The following LMNB1 variants were observed in gnomAD, a reference collection of about 807,000 sequenced individuals.
LMNB1 encodes the protein lamin B1.
A neutral mutation model predicts 67.1 loss-of-function variants in LMNB1; 23 were observed. The observed-to-expected ratio is 0.34, with a 90% CI of 0.25 to 0.49. LMNB1 has a LOEUF of 0.49. LMNB1 is among the 20% of genes least tolerant of loss of function. The pLI is 0.99. For synonymous variants in LMNB1, 281 were observed against 282.9 expected (o/e 0.99, Z 0.07); for missense variants, 634 against 746.5 (o/e 0.85, Z 1.76).
chr5:126,836,651 T>G lies in LMNB1; in HGVS notation c.*387T>G, dbSNP rs1580563392. On this transcript the variant is annotated 3_prime_UTR_variant, in exon 11 of 11. Coordinates refer to ENST00000261366, the MANE Select transcript of LMNB1 (RefSeq NM_005573.4). ...CCCATCTAGACTAGCAATCTCTTCA[T>G]TATTCTCTGCTATATATAAAACGGT... is the stretch of plus-strand genomic sequence containing the variant. 1 of 367,538 alleles carries G rather than the reference T, an allele frequency of 2.7e-6. No homozygotes were observed. The highest frequency in any genetic ancestry group is 4.6e-5 in the Admixed American group (1 of 21,862). 22.8% of individuals were successfully genotyped at this position (367,538 alleles called of 1,614,324 possible). A position where few individuals can be genotyped will look rare whatever the true frequency, so the allele number is the denominator to read the frequency against.
intron 1 of LMNB1, among the ~76,000 whole-genome samples, chr5:126,784,640 C>T (rs1380577521): frequency 1.3e-5 from 2 of 149,596 alleles, no homozygotes; most frequent in Non-Finnish European, 3.0e-5. Flanking sequence ...CAGGCGTGAG[C>T]CACCGTGCCT....
rs1440982043 is a variant in LMNB1, at chr5:126,832,714, A to G, written c.1632A>G (p.Thr544=). 2.5e-6 allele frequency: 4 copies of G among 1,612,748 alleles called. No homozygotes were observed. Among genetic ancestry groups the G allele is most frequent in the Non-Finnish European group, 2.5e-6 (3 of 1,179,034 alleles). Residue 544 remains threonine, a synonymous_variant, in exon 10 of 11, where the codon ACA becomes ACG. Transcript: ENST00000261366. ...TTTAGGAGGTTGCTCAAAGAAGTAC[A>G]GTCTTTAAAACAACCATACCTGAAG... ...SQGEEVAQRS[T]VFKTTIPEEE...
rs1310734280 is a variant in LMNB1 at position 126,836,573 on chromosome 5, A to T, written c.*309A>T. 3 of 348,640 alleles carry T rather than the reference A, an allele frequency of 8.6e-6. No individual in the cohort carries two copies. Among genetic ancestry groups the T allele is most frequent in the Non-Finnish European group, 1.5e-5 (3 of 197,456 alleles). 21.6% of individuals were successfully genotyped at this position (348,640 alleles called of 1,614,324 possible). Reference sequence around the variant, plus strand: ...TTTTCTTTTTTTTTAAGTTCTTATGAGGAGGGGAGGGTAAATAAACCACTG... The same window carrying T: ...TTTTCTTTTTTTTTAAGTTCTTATGTGGAGGGGAGGGTAAATAAACCACTG... On this transcript the variant is annotated 3_prime_UTR_variant, in exon 11 of 11. Coordinates refer to ENST00000261366, the MANE Select transcript of LMNB1 (RefSeq NM_005573.4).
intron 1 of LMNB1, among the ~76,000 whole-genome samples, chr5:126,788,546 A>AG (rs1399345361): frequency 6.6e-6 from 1 of 152,152 alleles, no homozygotes. Flanking sequence ...CTGAGGCAGG[A>AG]GAATCACTTG....
In LMNB1 at chr5:126,810,196, G is replaced by A. The variant is rs761528785; in HGVS notation, c.659G>A (p.Arg220Lys). 1 of 1,612,788 alleles carries A rather than the reference G, an allele frequency of 6.2e-7. No homozygotes were observed. The highest frequency in any genetic ancestry group is 8.5e-7 in the Non-Finnish European group (1 of 1,178,926). ...TTTCCCCAGGAGATTAACGAGACCAGAAGGAAGCATGAAACGCGCTTGGTA... is the reference window on the plus strand; with the variant it reads ...TTTCCCCAGGAGATTAACGAGACCAAAAGGAAGCATGAAACGCGCTTGGTA... ...SMYEEEINET[R>K]RKHETRLVEV... The change falls in exon 4 of 11, where the codon AGA becomes AAA. Residue 220 changes from arginine (R) to lysine (K), a missense_variant. By Grantham distance (26) the Arg-to-Lys change is conservative (BLOSUM62 2). Transcript: ENST00000261366.
chr5:126,819,312 A>G (rs1359751547), intron 6 of LMNB1, 170 bp downstream of exon 6: 2 of 541,554 alleles, frequency 3.7e-6, no homozygotes, highest in Non-Finnish European at 6.5e-6. Flanking sequence ...CATCGCAGAA[A>G]ATGTTGCTCA....
intron 10 of LMNB1, among the ~76,000 whole-genome samples, chr5:126,833,228 A>G (rs1442610814): frequency 6.6e-6 from 1 of 152,246 alleles, no homozygotes; most frequent in Non-Finnish European, 1.5e-5. Context: ...TTCTTGCTGT[A>G]TTAAGTTCCT....
intron 4 of LMNB1, 138 bp from the exon 5 acceptor site, chr5:126,811,635 A>G (rs1751578864): frequency 1.5e-6 from 1 of 672,222 alleles, no homozygotes; most frequent in Admixed American, 2.9e-5. Flanking sequence ...CCATATCAGC[A>G]AACTTCATGA....
At chr5:126,826,455 C>T (rs542646157) in intron 9 of LMNB1, among the ~76,000 whole-genome samples, 1 of 152,110 alleles carries the variant, frequency 6.6e-6, no homozygotes. Context: ...AAGAATGAGA[C>T]AGTACTTGGG....
At chr5:126,827,134 G>A (rs535848504) in intron 9 of LMNB1, among the ~76,000 whole-genome samples, 47 of 151,860 alleles carry the variant, frequency 3.1e-4, no homozygotes, top group Admixed American at 7.9e-4. Context: ...ATATATAGGG[G>A]GAATGTTAGG....
rs143035589 is a variant in LMNB1 at position 126,798,134 on chromosome 5, A to AAAACAAACAAAC, written c.360-6619_360-6608dup. ...CTGGGCAACAGAGCGAGACCGTCTCAAAACAAACAAACAAACAAACAAACA... is the reference window on the plus strand; with the variant it reads ...CTGGGCAACAGAGCGAGACCGTCTCAAAACAAACAAACAAACAAACAAACAAACAAACAAACA... On this transcript the variant is annotated intron_variant, in intron 1 of 10. Transcript: ENST00000261366. 3.6e-4 allele frequency among the ~76,000 whole-genome samples: 54 copies of AAAACAAACAAAC among 148,208 alleles called. 1 individual carries two copies. In the Middle Eastern group the frequency reaches 0.014, roughly 38 times the overall value.
chr5:126,808,316 T>A (rs1751502542), intron 3 of LMNB1, among the ~76,000 whole-genome samples: 1 of 151,768 alleles, frequency 6.6e-6, no homozygotes, highest in South Asian at 2.1e-4. Flanking sequence ...CACGAGTAGC[T>A]GGGATTACAG....
intron 1 of LMNB1, among the ~76,000 whole-genome samples, chr5:126,800,982 A>ATAATTTTTTTTTT: frequency 5.4e-4 from 10 of 18,634 alleles, no homozygotes; most frequent in African/African-American, 8.4e-4. Context: ...TATATATATA[A>ATAATTTTTTTTTT]TTTTTTTTTT....
chr5:126,804,684 C>A, intron 1 of LMNB1, 92 bp from the exon 2 acceptor site: 1 of 1,183,274 alleles, frequency 8.5e-7, no homozygotes, highest in Non-Finnish European at 1.2e-6. Context: ...TTTATTTAAA[C>A]TACTTCTTTT....
intron 10 of LMNB1, among the ~76,000 whole-genome samples, chr5:126,834,201 CTTTCTTT>C (rs1228790315): frequency 2.6e-5 from 4 of 151,236 alleles, no homozygotes; most frequent in Admixed American, 1.3e-4. Flanking sequence ...GTACAGGTTT[CTTTCTTT>C]TTTCTTTTTT....
In LMNB1 at chr5:126,811,780, A is replaced by G. The variant is rs760415750; in HGVS notation, c.821A>G (p.Asn274Ser). 9.4e-6 allele frequency: 15 copies of G among 1,602,538 alleles called. No individual in the cohort carries two copies. The Admixed American group carries it at 2.0e-4, about 21-fold the overall frequency. The change falls in exon 5 of 11, where the codon AAT becomes AGT. Residue 274 changes from asparagine (N) to serine (S), a missense_variant. Asn to Ser is a conservative substitution (Grantham distance 46). Transcript: ENST00000261366. ...LEQTYHAKLE[N>S]ARLSSEMNTS... ...CTTTGCTTCTTCTTTTAGCTTGAGA[A>G]TGCCAGACTGTCATCAGAGATGAAT...
At chr5:126,800,289 C>T (rs1305504836) in intron 1 of LMNB1, among the ~76,000 whole-genome samples, 3 of 152,248 alleles carry the variant, frequency 2.0e-5, no homozygotes, top group Admixed American at 6.5e-5. Context: ...GAATGATGCA[C>T]CAAGTGCTGT....
rs57114367 is a variant in LMNB1, at chr5:126,800,982, A to ATTTTTTT, written c.360-3782_360-3776dup. 7.6e-3 allele frequency among the ~76,000 whole-genome samples: 141 copies of ATTTTTTT among 18,608 alleles called. 5 individuals carry two copies. Among genetic ancestry groups the ATTTTTTT allele is most frequent in the African/African-American group, 0.021 (125 of 5,906 alleles). The allele number at this position is 18,608 out of a possible 152,430, so 12.2% of individuals were successfully genotyped here. On this transcript the variant is annotated intron_variant, in intron 1 of 10. Coordinates refer to ENST00000261366, the MANE Select transcript of LMNB1 (RefSeq NM_005573.4). Reference sequence around the variant, plus strand: ...ATATATATATATATATATATATATAATTTTTTTTTTTTTTTTTTGGTGGTA... The same window carrying ATTTTTTT: ...ATATATATATATATATATATATATAATTTTTTTTTTTTTTTTTTTTTTTTTGGTGGTA...
chr5:126,811,627 A>G (rs1252537827), intron 4 of LMNB1, 146 bp from the exon 5 acceptor site: 4 of 611,304 alleles, frequency 6.5e-6, no homozygotes, highest in Admixed American at 3.0e-5. Context: ...CATTCACACC[A>G]TATCAGCAAA....
Sources: allele counts gnomAD v4.1 joint callset (sites outside exome capture counted in the v4.1 genomes callset), GRCh38; gene constraint gnomAD v4.1.1; transcripts MANE v1.5; gene names NCBI Gene and HGNC (gene_info 2026-07-23, HGNC 2026-07-21).